NUP54: variants seen among roughly 807,000 people sequenced by gnomAD.
The protein encoded by NUP54 is nucleoporin 54.
NUP54 carries 27 observed loss-of-function variants against 66.4 expected under a neutral mutation model. The observed-to-expected ratio is 0.41, with a 90% CI of 0.30 to 0.56. The LOEUF (loss-of-function observed/expected upper bound fraction) is 0.56, where lower values mean the gene tolerates loss of function less well. Among genes scored for constraint, NUP54 ranks in the 20% least tolerant of loss-of-function variants. The probability of loss-of-function intolerance (pLI) is 0.34; values close to 1 mark genes in which losing one functional copy is unlikely to be tolerated. For missense variants in NUP54, 486 were observed against 596.3 expected, an observed-to-expected ratio of 0.82 and a Z score of 1.93; for synonymous variants, 206 against 210.7, an observed-to-expected ratio of 0.98 and a Z score of 0.19.
rs10567711 is a variant in NUP54, at chr4:76,124,624, TG to T, written c.1164+24del. On this transcript the variant is annotated intron_variant, in intron 9 of 11. Transcript: ENST00000264883. ...TTCACACACATAGTCTTATAAACACTGGGGGGGAAAATCCAAATTACTACCT... is the reference window on the plus strand; with the variant it reads ...TTCACACACATAGTCTTATAAACACTGGGGGGAAAATCCAAATTACTACCT... 1.8e-4 allele frequency: 185 copies of T among 1,041,232 alleles called. 1 individual carries two copies. The African/African-American group carries it at 1.8e-3, about 10-fold the overall frequency. 64.5% of individuals were successfully genotyped at this position (1,041,232 alleles called of 1,614,324 possible).
At position 76,115,477 on chromosome 4, in the gene NUP54, CTGT is replaced by C. The variant is rs758229208; in HGVS notation, c.1410_1412del (p.Gln471del). The C allele has an allele frequency of 1.2e-6, 2 of 1,602,648 alleles. No individual in the cohort carries two copies. Among genetic ancestry groups the C allele is most frequent in the South Asian group, 1.1e-5 (1 of 87,990 alleles). ...TGCTAATCAAATGGCTAAGGCCTTC[CTGT>C]TGTTGTTTCAAATGCTAGAACAAAT... On this transcript the variant is annotated inframe_deletion, in exon 12 of 12. Coordinates refer to ENST00000264883, the MANE Select transcript of NUP54 (RefSeq NM_017426.4).
rs201741427 is a variant in NUP54 at position 76,125,685 on chromosome 4, AGGGAG to A, written c.1057-934_1057-930del. Among the ~76,000 whole-genome samples the A allele has an allele frequency of 3.7e-4, 8 of 21,590 alleles. 1 individual carries two copies. Among genetic ancestry groups the A allele is most frequent in the Non-Finnish European group, 4.2e-4 (5 of 11,872 alleles). 14.2% of individuals were successfully genotyped at this position (21,590 alleles called of 152,430 possible). On this transcript the variant is annotated intron_variant, in intron 8 of 11. Transcript: ENST00000264883. The stretch of plus-strand genomic sequence containing the variant: ...GAGGGGGAGAGAGGGAGAGAGGGAG[AGGGAG>A]AGAGGGAGAAGAGGGAGAAGAGGGA...
chr4:76,148,396 G>C lies in NUP54; in HGVS notation c.-22C>G, dbSNP rs575034916. 2.0e-6 allele frequency: 3 copies of C among 1,489,756 alleles called. No homozygotes were observed. The highest frequency in any genetic ancestry group is 1.4e-5 in the African/African-American group (1 of 70,302). The allele number at this position is 1,489,756 out of a possible 1,614,324, so 92.3% of individuals were successfully genotyped here. ...CCATGTCGCGAAAGCAGGAGACCAA[G>C]TAGGTTACTCCTGCGACGCGCAGCG... On this transcript the variant is annotated 5_prime_UTR_variant, in exon 1 of 12. Coordinates refer to ENST00000264883, the MANE Select transcript of NUP54 (RefSeq NM_017426.4).
chr4:76,123,148 GTC>G (rs1204689855), intron 9 of NUP54, among the ~76,000 whole-genome samples: 1 of 152,188 alleles, frequency 6.6e-6, no homozygotes, highest in African/African-American at 2.4e-5. Flanking sequence ...GGTTATACAA[GTC>G]TCTGAATATA....
chr4:76,130,011 C>A (rs184698343), intron 8 of NUP54, among the ~76,000 whole-genome samples: 13,263 of 88,290 alleles, frequency 0.15, 1,110 homozygotes, highest in East Asian at 0.34. Flanking sequence ...TGAGGAGTCT[C>A]ACTCTGTCGC....
chr4:76,129,690 C>T (rs533212066), intron 8 of NUP54, among the ~76,000 whole-genome samples: 84 of 151,660 alleles, frequency 5.5e-4, no homozygotes, highest in African/African-American at 1.9e-3. Context: ...ACGGTGAAAC[C>T]CCGTCTCTAC....
At chr4:76,126,025 G>GT (rs756901069) in intron 8 of NUP54, among the ~76,000 whole-genome samples, 12 of 152,272 alleles carry the variant, frequency 7.9e-5, no homozygotes, top group South Asian at 2.1e-4. Context: ...TATCTAGGGG[G>GT]TGTCTTAATA....
Position 76,117,759 on chromosome 4 carries a change from A to T in NUP54, c.1300T>A (p.Leu434Met), listed in dbSNP as rs144785979. The change falls in exon 11 of 12, where the codon TTG becomes ATG. Residue 434 changes from leucine to methionine, a missense_variant. Leu to Met is a conservative substitution (Grantham distance 15). Transcript: ENST00000264883. ...PTQFKGRLNE[L>M]MSQIRMQNHF... ...TTCTGCATCCTGATTTGAGACATCA[A>T]TTCATTTAGTCGGCCCTAAAAGTTA... 4.5e-4 allele frequency: 722 copies of T among 1,613,804 alleles called. No homozygotes were observed. The highest frequency in any genetic ancestry group is 5.8e-4 in the Non-Finnish European group (681 of 1,179,702).
Position 76,132,511 on chromosome 4 carries a change from C to CG in NUP54, c.907+11_907+12insC, listed in dbSNP as rs1730847671. On this transcript the variant is annotated intron_variant, in intron 6 of 11. Transcript: ENST00000264883. ...TTCTTTTTTTTTGAACTCTGTGATT[C>CG]TAGAAACATACCAGCAGGAGGATTC... 2 of 1,554,766 alleles carry CG rather than the reference C, an allele frequency of 1.3e-6. No individual in the cohort carries two copies. The highest frequency in any genetic ancestry group is 1.7e-6 in the Non-Finnish European group (2 of 1,150,124).
rs546311713 is a variant in NUP54, at chr4:76,134,472, G to A, written c.523-110C>T. ...AAATGGGAAAAACAACTTAATGTCT[G>A]GTAATTAAGGGAATAATGATTCTTC... On this transcript the variant is annotated intron_variant, in intron 4 of 11. Coordinates refer to ENST00000264883, the MANE Select transcript of NUP54 (RefSeq NM_017426.4). The A allele has an allele frequency of 9.7e-5, 81 of 838,610 alleles. No homozygotes were observed. In the South Asian group the frequency reaches 1.3e-3, roughly 13 times the overall value. The allele number at this position is 838,610 out of a possible 1,614,324, so 51.9% of individuals were successfully genotyped here.
intron 9 of NUP54, among the ~76,000 whole-genome samples, chr4:76,122,364 C>T (rs1010159800): frequency 6.8e-6 from 1 of 147,494 alleles, no homozygotes; most frequent in Non-Finnish European, 1.5e-5. Flanking sequence ...GTGTAACCAC[C>T]ACAGTGATTA....
intron 3 of NUP54, among the ~76,000 whole-genome samples, chr4:76,137,294 A>G (rs1250138227): frequency 6.6e-6 from 1 of 152,188 alleles, no homozygotes; most frequent in Non-Finnish European, 1.5e-5. Context: ...AACTGTGCCC[A>G]GCCCTAATGA....
intron 8 of NUP54, among the ~76,000 whole-genome samples, 151 bp downstream of exon 8, chr4:76,130,502 AAAG>A (rs1261241922): frequency 6.6e-6 from 1 of 152,178 alleles, no homozygotes; most frequent in African/African-American, 2.4e-5. Context: ...CTTCTATCAT[AAAG>A]AAGGTAGTTG....
intron 8 of NUP54, among the ~76,000 whole-genome samples, chr4:76,126,142 G>A (rs950979687): frequency 1.3e-5 from 2 of 152,084 alleles, no homozygotes; most frequent in Non-Finnish European, 2.9e-5. Flanking sequence ...GAAAAGGAAT[G>A]ATATTAATTA....
At chr4:76,139,067 T>C (rs565079695) in intron 3 of NUP54, among the ~76,000 whole-genome samples, 1 of 152,316 alleles carries the variant, frequency 6.6e-6, no homozygotes, top group South Asian at 2.1e-4. Flanking sequence ...TTGCCTTTAC[T>C]ATACAAACTG....
At chr4:76,138,746 G>C (rs1412336619) in intron 3 of NUP54, among the ~76,000 whole-genome samples, 1 of 152,134 alleles carries the variant, frequency 6.6e-6, no homozygotes, top group Non-Finnish European at 1.5e-5. Flanking sequence ...ATGGGGTAGA[G>C]GTAAAGGCCA....
chr4:76,115,739 T>G (rs1012670366), intron 11 of NUP54, among the ~76,000 whole-genome samples: 1 of 152,148 alleles, frequency 6.6e-6, no homozygotes, highest in Non-Finnish European at 1.5e-5. Context: ...AACAAAAATG[T>G]TTTTTAGATA....
intron 1 of NUP54, among the ~76,000 whole-genome samples, chr4:76,145,092 G>T (rs1461394380): frequency 1.3e-5 from 2 of 151,974 alleles, no homozygotes; most frequent in Non-Finnish European, 1.5e-5. Context: ...GCCGAGGGGG[G>T]TGGATCACAA....
Position 76,132,726 on chromosome 4 carries a change from G to A in NUP54, c.711-7C>T. 2 of 1,599,370 alleles carry A rather than the reference G, an allele frequency of 1.3e-6. No individual in the cohort carries two copies. The highest frequency in any genetic ancestry group is 1.7e-6 in the Non-Finnish European group (2 of 1,172,044). On this transcript the variant is annotated splice_polypyrimidine_tract_variant and splice_region_variant and intron_variant, in intron 5 of 11. Transcript: ENST00000264883. ...ATAAATAACAACTTCTGTCCTGAAGGAAGAATAACCAATTTATAAAATATG... is the reference window on the plus strand; with the variant it reads ...ATAAATAACAACTTCTGTCCTGAAGAAAGAATAACCAATTTATAAAATATG...
Sources: gnomAD v4.1 joint callset for allele counts (sites outside exome capture counted in the v4.1 genomes callset) on GRCh38, gnomAD v4.1.1 for gene constraint, MANE v1.5 for transcripts, NCBI Gene and HGNC (gene_info 2026-07-23, HGNC 2026-07-21) for gene names.